Variants in C4orf50 observed in about 807,000 individuals in gnomAD.
The protein encoded by C4orf50 is chromosome 4 open reading frame 50, also known as uncharacterized protein C4orf50.
A neutral mutation model predicts 77.2 loss-of-function variants in C4orf50; 80 were observed. That is an observed-to-expected ratio of 1.04 (90% confidence interval 0.87 to 1.25). The LOEUF is 1.25. Among genes scored for constraint, C4orf50 ranks in the 50% most tolerant of loss-of-function variants. The pLI is 0.00. For synonymous variants in C4orf50, 532 were observed against 465.3 expected, an observed-to-expected ratio of 1.14 and a Z score of -1.84; for missense variants, 1,257 against 1,152.9, an observed-to-expected ratio of 1.09 and a Z score of -1.31.
At chr4:5,984,532 A>G (rs1296533837) in intron 28 of C4orf50, among the ~76,000 whole-genome samples, 1 of 152,226 alleles carries the variant, frequency 6.6e-6, no homozygotes, top group Non-Finnish European at 1.5e-5. Flanking sequence ...TCTTTTTAAA[A>G]GAATAAAATT....
chr4:6,004,827 GTGA>G, intron 25 of C4orf50, among the ~76,000 whole-genome samples: 1 of 127,292 alleles, frequency 7.9e-6, no homozygotes. Flanking sequence ...GATGGTGATA[GTGA>G]TGATGTGATG....
rs1466670881 is a variant in C4orf50, at chr4:5,916,751, C to T, written c.*2475-18563G>A. Reference sequence around the variant, plus strand: ...GTCACTCCTGCAGGAAATAGGGTCACGGCCCCGAGAGCACTTCTGTGAAGA... The same window carrying T: ...GTCACTCCTGCAGGAAATAGGGTCATGGCCCCGAGAGCACTTCTGTGAAGA... On this transcript the variant is annotated intron_variant, in intron 7 of 7. Transcript: ENST00000324058. This position sits in a 1 kb window ranked among gnomAD's most constrained non-coding sequence, Gnocchi z 4.4. 2.6e-5 allele frequency among the ~76,000 whole-genome samples: 4 copies of T among 152,112 alleles called. No homozygotes were observed. Among genetic ancestry groups the T allele is most frequent in the Non-Finnish European group, 4.4e-5 (3 of 68,026 alleles).
chr4:6,003,842 GTGATGATGGTGATGA>G (rs1721988181), intron 25 of C4orf50, among the ~76,000 whole-genome samples: 1 of 48,258 alleles, frequency 2.1e-5, no homozygotes, highest in Non-Finnish European at 3.9e-5. Flanking sequence ...TGATGTGATA[GTGATGATGGTGATGA>G]TGGTGATGGT....
chr4:5,908,271 T>G lies in C4orf50; in HGVS notation c.*2475-10083A>C, dbSNP rs539736662. 6.6e-6 allele frequency among the ~76,000 whole-genome samples: 1 copy of G among 152,080 alleles called. No homozygotes were observed. Among genetic ancestry groups the G allele is most frequent in the African/African-American group, 2.4e-5 (1 of 41,406 alleles). On this transcript the variant is annotated intron_variant, in intron 7 of 7. Coordinates refer to the C4orf50 transcript ENST00000324058. This position sits in a 1 kb window ranked among gnomAD's most constrained non-coding sequence, Gnocchi z 5.6. ...GAAATGCTGGGTTACAAAGTAACAG[T>G]GTACTAAAGAGAGTCAGATGAAGGA...
In C4orf50 at chr4:5,904,873, C is replaced by T. The variant is rs558381755; in HGVS notation, c.*2475-6685G>A. 3 of 152,276 alleles carry T rather than the reference C, an allele frequency of 2.0e-5. No homozygotes were observed. In the South Asian group the frequency reaches 6.2e-4, roughly 32 times the overall value. The allele number at this position is 152,276 out of a possible 1,614,324, so 9.4% of individuals were successfully genotyped here. ...ATCCTATCATCCCCTCATCACCCAT[C>T]TTGGATGGAAGCTACGCAGAATGGT... On this transcript the variant is annotated intron_variant, in intron 7 of 7. Transcript: ENST00000324058.
rs1469838149 is a variant in C4orf50 at position 5,905,680 on chromosome 4, G to A, written c.*2475-7492C>T. ...AGATAATGCTCTCTTTATTTGGGGT[G>A]CTTCAGACCCTTGACATGATATGGA... On this transcript the variant is annotated intron_variant, in intron 7 of 7. Transcript: ENST00000324058. This position sits in a 1 kb window ranked among gnomAD's most constrained non-coding sequence, Gnocchi z 5.4. Among the ~76,000 whole-genome samples, 1 of 152,204 alleles carries A rather than the reference G, an allele frequency of 6.6e-6. No individual in the cohort carries two copies. The highest frequency in any genetic ancestry group is 2.4e-5 in the African/African-American group (1 of 41,454).
chr4:5,973,704 T>C (rs751049942), exon 31 of C4orf50: 9 of 1,613,956 alleles, frequency 5.6e-6, no homozygotes, highest in Non-Finnish European at 7.6e-6. Flanking sequence ...ACTCAGCCAG[T>C]GCCACGTCGT....
In C4orf50 at chr4:5,901,516, T is replaced by C. The variant is rs1426555378; in HGVS notation, c.*2475-3328A>G. On this transcript the variant is annotated intron_variant, in intron 7 of 7. Transcript: ENST00000324058. This position sits in a 1 kb window ranked among gnomAD's most constrained non-coding sequence, Gnocchi z 4.4. ...CTCCTACATCGGGTGGTCTCTGTCATCTCTCTAGAAGAAAGTCAAATAACA... is the reference window on the plus strand; with the variant it reads ...CTCCTACATCGGGTGGTCTCTGTCACCTCTCTAGAAGAAAGTCAAATAACA... The C allele has an allele frequency of 1.3e-5, 2 of 152,224 alleles. No homozygotes were observed. Among genetic ancestry groups the C allele is most frequent in the Non-Finnish European group, 2.9e-5 (2 of 68,040 alleles). 9.4% of individuals were successfully genotyped at this position (152,224 alleles called of 1,614,324 possible). A position where few individuals can be genotyped will look rare whatever the true frequency, so the allele number is the denominator to read the frequency against.
At chr4:5,959,589 G>A (rs748477335) in exon 34 of C4orf50, 7 of 1,614,164 alleles carry the variant, frequency 4.3e-6, no homozygotes, top group Middle Eastern at 1.6e-4. Flanking sequence ...TGCCAGGCAC[G>A]TTCCAGGATC....
chr4:5,964,790 A>AAAAAG (rs1168152207), intron 33 of C4orf50, among the ~76,000 whole-genome samples: 8 of 141,872 alleles, frequency 5.6e-5, no homozygotes, highest in Non-Finnish European at 7.6e-5. Flanking sequence ...AAAAAAAAAA[A>AAAAAG]TGTCACCAGA....
At chr4:5,988,818 T>G in exon 28 of C4orf50, 1 of 1,536,120 alleles carries the variant, frequency 6.5e-7, no homozygotes, top group Middle Eastern at 1.7e-4. Context: ...CTTCTATTCC[T>G]AGCACGATAT....
At chr4:5,899,151 T>C (rs889920362) in intron 7 of C4orf50, 2 of 152,242 alleles carry the variant, frequency 1.3e-5, no homozygotes, top group Non-Finnish European at 1.5e-5. Context: ...CTTTTCCTTC[T>C]ACACCACCTT....
chr4:5,955,264 G>A (rs1243978267), downstream of C4orf50, among the ~76,000 whole-genome samples: 2 of 152,126 alleles, frequency 1.3e-5, no homozygotes, highest in Non-Finnish European at 2.9e-5. This position sits in a 1 kb window ranked among gnomAD's most constrained non-coding sequence, Gnocchi z 5.1. Context: ...GGCCCTTGGA[G>A]GCAGGCAACC....
At chr4:5,913,865 G>A (rs1716915158) in intron 7 of C4orf50, among the ~76,000 whole-genome samples, 1 of 152,192 alleles carries the variant, frequency 6.6e-6, no homozygotes, top group Non-Finnish European at 1.5e-5. Context: ...CTTTAAAAAT[G>A]TTTATTCCCT....
intron 7 of C4orf50, chr4:5,903,447 T>A (rs891462993): frequency 2.0e-5 from 3 of 152,230 alleles, no homozygotes; most frequent in African/African-American, 7.2e-5. Flanking sequence ...ATCCACACAT[T>A]GGAATATTAT....
intron 23 of C4orf50, among the ~76,000 whole-genome samples, chr4:6,014,519 T>C (rs1405827937): frequency 6.6e-6 from 1 of 152,232 alleles, no homozygotes; most frequent in East Asian, 1.9e-4. Flanking sequence ...AGAAATACTT[T>C]TGTGCTTCAA....
intron 25 of C4orf50, among the ~76,000 whole-genome samples, chr4:6,004,313 A>G (rs1468027851): frequency 1.8e-4 from 4 of 22,398 alleles, no homozygotes; most frequent in South Asian, 2.2e-3. Context: ...GGTGGTGATG[A>G]TGTGATCGTA....
At chr4:5,915,169 C>T (rs1716979452) in intron 7 of C4orf50, among the ~76,000 whole-genome samples, 1 of 152,130 alleles carries the variant, frequency 6.6e-6, no homozygotes, top group Non-Finnish European at 1.5e-5. Context: ...CTGAAATACC[C>T]CCTTCCTGGG....
At chr4:6,005,555 C>T (rs1722214991) in intron 25 of C4orf50, among the ~76,000 whole-genome samples, 1 of 152,152 alleles carries the variant, frequency 6.6e-6, no homozygotes, top group East Asian at 1.9e-4. Context: ...GAAGTCACGG[C>T]TCTGCTCTGG....
Sources: gnomAD v4.1 joint callset for allele counts (sites outside exome capture counted in the v4.1 genomes callset) on GRCh38, gnomAD v4.1.1 for gene constraint, Gnocchi (gnomAD v3.1) non-coding constraint, MANE v1.5 for transcripts, NCBI Gene and HGNC (gene_info 2026-07-23, HGNC 2026-07-21) for gene names.